ARHGAP18: variants seen among roughly 807,000 people sequenced by gnomAD.
The protein encoded by ARHGAP18 is Rho GTPase activating protein 18.
In ARHGAP18, 67 loss-of-function variants were observed where a neutral mutation model predicts 86.2. That is an observed-to-expected ratio of 0.78 (90% CI 0.64 to 0.95). ARHGAP18 has a LOEUF of 0.95. Among genes scored for constraint, ARHGAP18 ranks in the 40% least tolerant of loss-of-function variants. The probability of loss-of-function intolerance (pLI) is 0.00; values close to 1 mark genes in which losing one functional copy is unlikely to be tolerated. For missense variants in ARHGAP18, 691 were observed against 780.4 expected (o/e 0.89, Z 1.37); for synonymous variants, 283 against 280.4 (o/e 1.01, Z -0.09).
At chr6:129,685,506 T>TA (rs113300241) in intron 1 of ARHGAP18, among the ~76,000 whole-genome samples, 84 of 144,612 alleles carry the variant, frequency 5.8e-4, no homozygotes, top group South Asian at 1.7e-3. Context: ...AGACTCCGTC[T>TA]AAAAAAAAAA....
At chr6:129,595,341 A>C (rs564831015) in intron 12 of ARHGAP18, among the ~76,000 whole-genome samples, 82 of 152,330 alleles carry the variant, frequency 5.4e-4, no homozygotes, top group African/African-American at 1.8e-3. Flanking sequence ...TAGATATGCC[A>C]TAATGTATTT....
At chr6:129,683,057 T>G (rs12215654) in intron 1 of ARHGAP18, among the ~76,000 whole-genome samples, 1 of 42,120 alleles carries the variant, frequency 2.4e-5, no homozygotes, top group African/African-American at 1.1e-4. Context: ...TGTTTTTTCT[T>G]TTTTTTTTTT....
rs1329936939 is a variant in ARHGAP18, at chr6:129,680,027, A to G, written c.113+29997T>C. ...TTACATGCTTCTCCTCTGCATATCA[A>G]ATCTCCCTCTGCCACCTAAAAGGAT... On this transcript the variant is annotated intron_variant, in intron 1 of 14. Transcript: ENST00000368149. 2.0e-5 allele frequency among the ~76,000 whole-genome samples: 3 copies of G among 152,128 alleles called. No individual in the cohort carries two copies. The East Asian group carries it at 5.8e-4, about 29-fold the overall frequency.
chr6:129,577,046 A>C lies in ARHGAP18; in HGVS notation c.*1467T>G, dbSNP rs1788191316. On this transcript the variant is annotated 3_prime_UTR_variant, in exon 15 of 15. Transcript: ENST00000368149. ...TCTCAATATTAATAAAAAAAAAGCA[A>C]AAATACTCATAAACACATAGGATTA... 1 of 152,144 alleles carries C rather than the reference A, an allele frequency of 6.6e-6. No individual in the cohort carries two copies. The highest frequency in any genetic ancestry group is 1.5e-5 in the Non-Finnish European group (1 of 68,014). 9.4% of individuals were successfully genotyped at this position (152,144 alleles called of 1,614,324 possible). A position where few individuals can be genotyped will look rare whatever the true frequency, so the allele number is the denominator to read the frequency against.
chr6:129,620,086 A>C (rs918081558), intron 5 of ARHGAP18, among the ~76,000 whole-genome samples: 8 of 152,172 alleles, frequency 5.3e-5, no homozygotes, highest in Admixed American at 5.2e-4. Context: ...CACCTCATCC[A>C]AACTGCTTGA....
At chr6:129,611,440 G>T in intron 8 of ARHGAP18, 93 bp downstream of exon 8, 1 of 1,031,530 alleles carries the variant, frequency 9.7e-7, no homozygotes, top group African/African-American at 1.6e-5. Context: ...TACTAACAAT[G>T]GAAAAAAGGG....
intron 1 of ARHGAP18, among the ~76,000 whole-genome samples, chr6:129,647,561 T>C (rs1773605685): frequency 1.3e-5 from 2 of 152,118 alleles, no homozygotes; most frequent in African/African-American, 2.4e-5. Context: ...ATGTTCCCTA[T>C]CCCACTTTTA....
intron 4 of ARHGAP18, among the ~76,000 whole-genome samples, chr6:129,629,991 C>A (rs369174895): frequency 6.6e-6 from 1 of 152,142 alleles, no homozygotes; most frequent in Non-Finnish European, 1.5e-5. Flanking sequence ...TTCTTCCACA[C>A]CCTGCATTTA....
Position 129,605,867 on chromosome 6 carries a change from C to T in ARHGAP18, c.1365+10G>A. 6.2e-7 allele frequency: 1 copy of T among 1,610,580 alleles called. No homozygotes were observed. Among genetic ancestry groups the T allele is most frequent in the Non-Finnish European group, 8.5e-7 (1 of 1,177,190 alleles). ...CTAAGGGATATTTAATGTAAATTAA[C>T]CAAGCTGACCTTCAGTGTGTCCCTG... is the stretch of plus-strand genomic sequence containing the variant. On this transcript the variant is annotated intron_variant, in intron 10 of 14. Transcript: ENST00000368149.
intron 5 of ARHGAP18, among the ~76,000 whole-genome samples, chr6:129,627,388 AG>A (rs1191923141): frequency 1.3e-5 from 2 of 151,976 alleles, no homozygotes; most frequent in Non-Finnish European, 2.9e-5. Context: ...TTGACAAAAA[AG>A]AAAGCAAACA....
intron 1 of ARHGAP18, among the ~76,000 whole-genome samples, chr6:129,691,023 T>C (rs1774518354): frequency 6.6e-6 from 1 of 152,214 alleles, no homozygotes; most frequent in Non-Finnish European, 1.5e-5. Context: ...TATATTGGGC[T>C]CAATATAAGC....
In ARHGAP18 at chr6:129,700,664, G is replaced by A. The variant is rs145373630; in HGVS notation, c.113+9360C>T. On this transcript the variant is annotated intron_variant, in intron 1 of 14. Coordinates refer to ENST00000368149, the MANE Select transcript of ARHGAP18 (RefSeq NM_033515.3). ...AGTCTGACTGCCCTTTATCATCATC[G>A]AAAACACGTACTTTATGTCAAGCAC... 3.9e-5 allele frequency among the ~76,000 whole-genome samples: 6 copies of A among 152,040 alleles called. No individual in the cohort carries two copies. The South Asian group carries it at 8.3e-4, about 21-fold the overall frequency.
At chr6:129,581,649 G>A (rs898033118) in intron 13 of ARHGAP18, among the ~76,000 whole-genome samples, 3 of 152,054 alleles carry the variant, frequency 2.0e-5, no homozygotes, top group Non-Finnish European at 2.9e-5. Context: ...CAAATTCATC[G>A]TTAAAGGCAA....
intron 5 of ARHGAP18, among the ~76,000 whole-genome samples, chr6:129,626,148 T>C (rs1034667867): frequency 7.9e-5 from 11 of 139,110 alleles, no homozygotes; most frequent in African/African-American, 2.4e-4. Context: ...ATGTCCGCCA[T>C]AGGGGGACTG....
intron 1 of ARHGAP18, among the ~76,000 whole-genome samples, chr6:129,659,684 C>A (rs752820908): frequency 1.3e-5 from 2 of 152,146 alleles, no homozygotes; most frequent in African/African-American, 2.4e-5. Flanking sequence ...GTCGGCCAGG[C>A]TGGTCTTGAA....
chr6:129,676,781 G>GA (rs959537377), intron 1 of ARHGAP18, among the ~76,000 whole-genome samples: 7 of 149,522 alleles, frequency 4.7e-5, no homozygotes, highest in African/African-American at 9.8e-5. Context: ...CTTGGGTGTG[G>GA]AAAAAAAAAG....
chr6:129,679,650 T>A (rs757285492), intron 1 of ARHGAP18, among the ~76,000 whole-genome samples: 1 of 152,234 alleles, frequency 6.6e-6, no homozygotes, highest in Non-Finnish European at 1.5e-5. Context: ...TGATATTACA[T>A]GTAAGTAAAC....
At chr6:129,688,588 T>C (rs979579082) in intron 1 of ARHGAP18, among the ~76,000 whole-genome samples, 3 of 151,458 alleles carry the variant, frequency 2.0e-5, no homozygotes, top group Admixed American at 1.3e-4. Context: ...AGGTCAGGAG[T>C]TCAAGACCAG....
chr6:129,621,931 G>A (rs1284990483), intron 5 of ARHGAP18, among the ~76,000 whole-genome samples: 3 of 151,968 alleles, frequency 2.0e-5, no homozygotes, highest in South Asian at 4.1e-4. Flanking sequence ...CTCCTAAATC[G>A]TAAGTTTTGT....
Sources: allele counts gnomAD v4.1 joint callset (sites outside exome capture counted in the v4.1 genomes callset), GRCh38; gene constraint gnomAD v4.1.1; transcripts MANE v1.5; gene names NCBI Gene and HGNC (gene_info 2026-07-23, HGNC 2026-07-21).